The following ZC3HC1 variants were observed in gnomAD, a reference collection of about 807,000 sequenced individuals.
The protein encoded by ZC3HC1 is zinc finger C3HC-type protein 1.
A neutral mutation model predicts 61.9 loss-of-function variants in ZC3HC1; 38 were observed. That is an observed-to-expected ratio of 0.61 (90% CI 0.47 to 0.81). The LOEUF (loss-of-function observed/expected upper bound fraction) is 0.81. Among genes scored for constraint, ZC3HC1 ranks in the 30% least tolerant of loss-of-function variants. The pLI, the probability that ZC3HC1 is intolerant of heterozygous loss-of-function variation, is 0.00. For missense variants in ZC3HC1, 554 were observed against 622.7 expected, an observed-to-expected ratio of 0.89 and a Z score of 1.17; for synonymous variants, 213 against 229.9, an observed-to-expected ratio of 0.93 and a Z score of 0.67.
At chr7:130,050,369 C>T in intron 1 of ZC3HC1, 1 of 1,503,610 alleles carries the variant, frequency 6.7e-7, no homozygotes, top group Non-Finnish European at 8.9e-7. Flanking sequence ...TGAGCCACCG[C>T]GCCCGGCGAC....
Position 130,022,304 on chromosome 7 carries a change from A to G in ZC3HC1, c.1440+15T>C. 1 of 1,614,036 alleles carries G rather than the reference A, an allele frequency of 6.2e-7. No homozygotes were observed. The highest frequency in any genetic ancestry group is 1.1e-5 in the South Asian group (1 of 91,090). ...AGCAAGTGCTGCCCACACACAAGGC[A>G]GTGGCGTATCTCACCATGGAGTCCG... On this transcript the variant is annotated intron_variant, in intron 9 of 9. Coordinates refer to ENST00000358303, the MANE Select transcript of ZC3HC1 (RefSeq NM_016478.5).
chr7:130,048,998 A>T, intron 2 of ZC3HC1, 35 bp downstream of exon 2: 2 of 1,520,042 alleles, frequency 1.3e-6, no homozygotes, highest in Non-Finnish European at 1.8e-6. Context: ...AGAAGCAGGC[A>T]GAAAGTGCAA....
intron 5 of ZC3HC1, 164 bp from the exon 6 acceptor site, chr7:130,026,476 A>G: frequency 1.6e-6 from 1 of 637,168 alleles, no homozygotes; most frequent in South Asian, 2.6e-5. Flanking sequence ...ACAGGGCTAT[A>G]GTATCACACA....
intron 2 of ZC3HC1, 99 bp downstream of exon 2, chr7:130,048,934 T>C (rs1794968619): frequency 4.8e-6 from 4 of 835,694 alleles, no homozygotes; most frequent in Admixed American, 7.4e-5. Flanking sequence ...ACCAAGGTTT[T>C]ATTCTTAAGT....
intron 2 of ZC3HC1, among the ~76,000 whole-genome samples, chr7:130,047,777 A>G (rs778282398): frequency 6.6e-6 from 1 of 152,194 alleles, no homozygotes; most frequent in African/African-American, 2.4e-5. Flanking sequence ...GGTGGCTCCA[A>G]TGATCCCTGC....
chr7:130,025,884 A>AAG (rs1256106164), intron 6 of ZC3HC1, among the ~76,000 whole-genome samples: 1 of 150,826 alleles, frequency 6.6e-6, no homozygotes, highest in Non-Finnish European at 1.5e-5. Context: ...AAAAAAAAAA[A>AAG]AAAAAAAAAA....
intron 1 of ZC3HC1, chr7:130,050,566 T>G: frequency 7.6e-7 from 1 of 1,321,014 alleles, no homozygotes. Context: ...AATGACAAGA[T>G]TTAGCATTTT....
Position 130,028,920 on chromosome 7 carries a change from C to T in ZC3HC1, c.603G>A (p.Pro201=), listed in dbSNP as rs761639346. The T allele has an allele frequency of 9.4e-5, 152 of 1,613,204 alleles. 1 individual carries two copies. The highest frequency in any genetic ancestry group is 1.5e-4 in the South Asian group (14 of 91,040). ...HLDLQLPSLR[P]EDLKTMCLTE... is the part of the protein sequence containing the mutation. The stretch of plus-strand genomic sequence containing the variant: ...AACTCACCATAGTTTTCAAGTCCTC[C>T]GGCCTTAGGGAAGGAAGCTGGAGGT... Residue 201 remains proline, a synonymous_variant, in exon 5 of 10, where the codon CCG becomes CCA. Coordinates refer to ENST00000358303, the MANE Select transcript of ZC3HC1 (RefSeq NM_016478.5).
chr7:130,045,570 T>G (rs1361948662), intron 2 of ZC3HC1: 3 of 456,842 alleles, frequency 6.6e-6, no homozygotes, highest in African/African-American at 2.0e-5. Context: ...TTATGATGAC[T>G]TGTACTTTGG....
Position 130,022,328 on chromosome 7 carries a change from C to A in ZC3HC1, c.1431G>T (p.Thr477=), listed in dbSNP as rs371845123. The change falls in exon 9 of 10, where the codon ACG becomes ACT. Residue 477 remains threonine (T), a synonymous_variant. Coordinates refer to ENST00000358303, the MANE Select transcript of ZC3HC1 (RefSeq NM_016478.5). ...CAGTGGCGTATCTCACCATGGAGTCCGTTTCAGCTGGCTGGCTAGACTGTT... is the reference window on the plus strand; with the variant it reads ...CAGTGGCGTATCTCACCATGGAGTCAGTTTCAGCTGGCTGGCTAGACTGTT... ...AHKQSSQPAE[T]DSMSLSEKSR... 23 of 1,614,146 alleles carry A rather than the reference C, an allele frequency of 1.4e-5. No individual in the cohort carries two copies. Among genetic ancestry groups the A allele is most frequent in the Non-Finnish European group, 1.9e-5 (22 of 1,180,028 alleles).
chr7:130,022,566 C>T (rs1394676343), intron 8 of ZC3HC1, 41 bp from the exon 9 acceptor site: 1 of 1,606,302 alleles, frequency 6.2e-7, no homozygotes, highest in Admixed American at 1.7e-5. Context: ...TAGGTAGATG[C>T]TATGTAAGTT....
chr7:130,023,682 G>A lies in ZC3HC1; in HGVS notation c.1062C>T (p.Ser354=). ...SPGPIVSRTR[S]WDSSSPVDRP... ...GGTCAACAGGACTGGAAGAGTCCCA[G>A]CTCCGAGTTCGAGAGACAATGGGAC... The change falls in exon 8 of 10, where the codon AGC becomes AGT. Residue 354 remains serine, a synonymous_variant. Transcript: ENST00000358303. The surrounding 1 kb of genome is among the most constrained non-coding windows in gnomAD (Gnocchi z 4.2). 1 of 1,614,244 alleles carries A rather than the reference G, an allele frequency of 6.2e-7. No individual in the cohort carries two copies. The highest frequency in any genetic ancestry group is 1.3e-5 in the African/African-American group (1 of 75,064).
chr7:130,043,322 TAAA>T (rs534772259), intron 2 of ZC3HC1: 1 of 144,440 alleles, frequency 6.9e-6, no homozygotes, highest in Non-Finnish European at 1.5e-5. Context: ...CAAAGCACAG[TAAA>T]AAAAAAAGGA....
At chr7:130,046,048 G>C (rs140137453) in intron 2 of ZC3HC1, among the ~76,000 whole-genome samples, 1 of 152,182 alleles carries the variant, frequency 6.6e-6, no homozygotes, top group African/African-American at 2.4e-5. Flanking sequence ...ACTAACACAG[G>C]AACAGAAAAC....
chr7:130,040,817 A>T, intron 3 of ZC3HC1, 134 bp downstream of exon 3: 1 of 1,055,990 alleles, frequency 9.5e-7, no homozygotes, highest in Non-Finnish European at 1.4e-6. Context: ...TCAAAAAAAA[A>T]AAAAAAGATT....
intron 1 of ZC3HC1, among the ~76,000 whole-genome samples, chr7:130,050,121 A>G (rs1360808029): frequency 6.6e-6 from 1 of 152,098 alleles, no homozygotes; most frequent in Non-Finnish European, 1.5e-5. Flanking sequence ...TCTGTCACTC[A>G]GGCTGGAGTG....
chr7:130,025,887 AAAAAAAAG>A (rs1793883664), intron 6 of ZC3HC1, among the ~76,000 whole-genome samples: 1 of 150,986 alleles, frequency 6.6e-6, no homozygotes, highest in East Asian at 1.9e-4. Context: ...AAAAAAAAAA[AAAAAAAAG>A]AGAACACAAA....
chr7:130,020,972 A>T (rs1793618577), intron 9 of ZC3HC1, among the ~76,000 whole-genome samples: 1 of 151,932 alleles, frequency 6.6e-6, no homozygotes, highest in Non-Finnish European at 1.5e-5. Flanking sequence ...ACCTCGGCTC[A>T]CTGCAACCTC....
chr7:130,051,148 C>G, intron 1 of ZC3HC1, 73 bp downstream of exon 1: 1 of 1,526,794 alleles, frequency 6.5e-7, no homozygotes, highest in Non-Finnish European at 8.8e-7. Context: ...GGAACCTCCC[C>G]CAACCCGCCA....
Sources: gnomAD v4.1 joint callset for allele counts (sites outside exome capture counted in the v4.1 genomes callset) on GRCh38, gnomAD v4.1.1 for gene constraint, Gnocchi (gnomAD v3.1) non-coding constraint, MANE v1.5 for transcripts, NCBI Gene and HGNC (gene_info 2026-07-23, HGNC 2026-07-21) for gene names.